TNR: variants seen among roughly 807,000 people sequenced by gnomAD.
TNR encodes the protein tenascin R.
Under a neutral mutation model 150.4 loss-of-function variants are expected in TNR, and 45 were observed. The ratio of observed to expected loss-of-function variants is 0.30; its 90% CI spans 0.24 to 0.38. The LOEUF (loss-of-function observed/expected upper bound fraction) is 0.38, where lower values mean the gene tolerates loss of function less well. Ranked by LOEUF, TNR falls within the 10% of genes least tolerant of loss-of-function variation. The probability of loss-of-function intolerance (pLI) is 1.00; values close to 1 mark genes in which losing one functional copy is unlikely to be tolerated. For synonymous variants in TNR, 687 were observed against 678.4 expected (o/e 1.01, Z -0.20); for missense variants, 1,544 against 1,759.1 (o/e 0.88, Z 2.19).
chr1:175,455,758 C>T (rs1265827238), intron 2 of TNR, among the ~76,000 whole-genome samples: 3 of 152,326 alleles, frequency 2.0e-5, no homozygotes, highest in Admixed American at 6.5e-5. Flanking sequence ...GAAATAGTTT[C>T]TCTACTCCCA....
At chr1:175,678,294 T>C (rs1665924988) in intron 1 of TNR, among the ~76,000 whole-genome samples, 1 of 152,102 alleles carries the variant, frequency 6.6e-6, no homozygotes, top group South Asian at 2.1e-4. Context: ...AGTGGGTGGG[T>C]AGAGGGGGCA....
chr1:175,651,061 A>C (rs1409712255), intron 1 of TNR, among the ~76,000 whole-genome samples: 8 of 3,956 alleles, frequency 2.0e-3, no homozygotes, highest in Admixed American at 3.6e-3. Flanking sequence ...CCTCATTACT[A>C]CCCCTCCCCA....
chr1:175,391,494 T>C (rs1030313378), intron 6 of TNR, 56 bp from the exon 7 acceptor site: 12 of 1,570,554 alleles, frequency 7.6e-6, no homozygotes, highest in Middle Eastern at 3.4e-4. Context: ...GAGAGAAATC[T>C]GATGAGAGAA....
intron 1 of TNR, among the ~76,000 whole-genome samples, chr1:175,655,127 T>G (rs1374088633): frequency 6.6e-6 from 1 of 152,164 alleles, no homozygotes. Context: ...ACTGGAATTG[T>G]GTTGCTACTG....
At chr1:175,709,417 C>G (rs1243556479) in intron 1 of TNR, among the ~76,000 whole-genome samples, 1 of 152,032 alleles carries the variant, frequency 6.6e-6, no homozygotes, top group Non-Finnish European at 1.5e-5. Flanking sequence ...TTGCTTCAAA[C>G]ATAAGACCAA....
intron 2 of TNR, among the ~76,000 whole-genome samples, chr1:175,499,786 T>G (rs1658652223): frequency 6.6e-6 from 1 of 152,118 alleles, no homozygotes; most frequent in South Asian, 2.1e-4. Flanking sequence ...CTACCTTTAT[T>G]GTGGTTTCTC....
chr1:175,450,425 C>G (rs973736091), intron 2 of TNR, among the ~76,000 whole-genome samples: 1 of 152,216 alleles, frequency 6.6e-6, no homozygotes, highest in African/African-American at 2.4e-5. Flanking sequence ...AGCTCAGGGA[C>G]CACCTCCTCC....
intron 1 of TNR, among the ~76,000 whole-genome samples, chr1:175,672,348 T>G (rs1402388619): frequency 6.6e-6 from 1 of 152,190 alleles, no homozygotes; most frequent in East Asian, 1.9e-4. Context: ...CTTCTGTAGT[T>G]GCCACCCTGA....
chr1:175,362,389 A>G (rs1460921380), intron 14 of TNR, among the ~76,000 whole-genome samples: 1 of 152,204 alleles, frequency 6.6e-6, no homozygotes, highest in African/African-American at 2.4e-5. Flanking sequence ...ATTCACTTCC[A>G]TTATATGTCT....
intron 1 of TNR, among the ~76,000 whole-genome samples, chr1:175,597,684 AG>A (rs950141702): frequency 2.0e-5 from 3 of 152,222 alleles, no homozygotes; most frequent in African/African-American, 7.2e-5. Context: ...AACCTTGCTG[AG>A]GGGTGTATTG....
chr1:175,726,695 G>A (rs191878177), intron 1 of TNR, among the ~76,000 whole-genome samples: 36 of 152,266 alleles, frequency 2.4e-4, no homozygotes, highest in Non-Finnish European at 1.5e-5. Context: ...CCAAATCCAG[G>A]CCAATAATAT....
chr1:175,440,699 G>A (rs1265790351), intron 2 of TNR, among the ~76,000 whole-genome samples: 2 of 152,030 alleles, frequency 1.3e-5, no homozygotes, highest in Admixed American at 1.3e-4. Flanking sequence ...CAGTGTCGGG[G>A]GAGGATTCAG....
chr1:175,654,820 G>A (rs1205349883), intron 1 of TNR, among the ~76,000 whole-genome samples: 1 of 139,900 alleles, frequency 7.1e-6, no homozygotes, highest in South Asian at 2.3e-4. Flanking sequence ...CTGGGTTCAC[G>A]CCATTCTCCC....
At chr1:175,411,896 A>G (rs1406585250) in intron 2 of TNR, among the ~76,000 whole-genome samples, 1 of 152,018 alleles carries the variant, frequency 6.6e-6, no homozygotes, top group Non-Finnish European at 1.5e-5. Context: ...CAAGCTAAGC[A>G]TTTTCCTTGT....
intron 1 of TNR, among the ~76,000 whole-genome samples, chr1:175,606,497 C>T (rs548551064): frequency 2.6e-5 from 4 of 152,122 alleles, no homozygotes; most frequent in Non-Finnish European, 4.4e-5. Context: ...GTCACAAATC[C>T]GTTTACACGA....
intron 2 of TNR, among the ~76,000 whole-genome samples, chr1:175,410,986 C>T (rs1187230791): frequency 1.3e-5 from 2 of 152,188 alleles, no homozygotes; most frequent in Non-Finnish European, 2.9e-5. Flanking sequence ...GGCCAAAGTT[C>T]ATTTCACACA....
At chr1:175,734,275 T>C (rs1330045841) in intron 1 of TNR, among the ~76,000 whole-genome samples, 4 of 152,242 alleles carry the variant, frequency 2.6e-5, no homozygotes, top group Admixed American at 2.6e-4. Context: ...GCAGAATCTG[T>C]ATGTGCTAAG....
At chr1:175,350,025 T>C (rs1200511418) in intron 18 of TNR, among the ~76,000 whole-genome samples, 1 of 152,220 alleles carries the variant, frequency 6.6e-6, no homozygotes, top group East Asian at 1.9e-4. Context: ...GGCTTTCCTT[T>C]CTAACTAGAA....
At position 175,406,776 on chromosome 1, in the gene TNR, A is replaced by T; in HGVS notation, c.-62T>A. 3 of 1,571,792 alleles carry T rather than the reference A, an allele frequency of 1.9e-6. No individual in the cohort carries two copies. The highest frequency in any genetic ancestry group is 3.6e-5 in the Admixed American group (2 of 55,650). ...CAGCACACAGCATGGAGTTGTGGGA[A>T]TCTGCAACGGAAACCAAGGAAAGAG... is the stretch of plus-strand genomic sequence containing the variant. On this transcript the variant is annotated splice_region_variant and 5_prime_UTR_variant, in exon 3 of 23. Coordinates refer to ENST00000367674, the MANE Select transcript of TNR (RefSeq NM_003285.3).
Sources: allele counts gnomAD v4.1 joint callset (sites outside exome capture counted in the v4.1 genomes callset), GRCh38; gene constraint gnomAD v4.1.1; transcripts MANE v1.5; gene names NCBI Gene and HGNC (gene_info 2026-07-23, HGNC 2026-07-21).